Variants in ZNF532 observed in about 807,000 individuals in gnomAD.
The protein encoded by ZNF532 is zinc finger protein 532.
A neutral mutation model predicts 89.3 loss-of-function variants in ZNF532; 22 were observed. The observed-to-expected ratio is 0.25, with a 90% confidence interval of 0.18 to 0.35. The LOEUF (loss-of-function observed/expected upper bound fraction) is 0.35, where lower values mean the gene tolerates loss of function less well. Ranked by LOEUF, ZNF532 falls within the 10% of genes least tolerant of loss-of-function variation. The pLI, the probability that ZNF532 is intolerant of heterozygous loss-of-function variation, is 1.00. For missense variants in ZNF532, 1,132 were observed against 1,643.4 expected (o/e 0.69, Z 5.38); for synonymous variants, 606 against 649.6 (o/e 0.93, Z 1.02).
chr18:58,881,218 G>A (rs2057899888), intron 2 of ZNF532, among the ~76,000 whole-genome samples: 1 of 151,232 alleles, frequency 6.6e-6, no homozygotes, highest in Admixed American at 6.6e-5. Context: ...TGCAACCTCT[G>A]CCTCCTGGGT....
Position 58,923,997 on chromosome 18 carries a change from C to T in ZNF532, c.2346+3364C>T, listed in dbSNP as rs549558264. Reference sequence around the variant, plus strand: ...TCAGCCTCCAGAGCAGCTGGGATTACAGGCACACATCACCGCATCCAGCTA... The same window carrying T: ...TCAGCCTCCAGAGCAGCTGGGATTATAGGCACACATCACCGCATCCAGCTA... On this transcript the variant is annotated intron_variant, in intron 3 of 9. Transcript: ENST00000591808. Among the ~76,000 whole-genome samples the T allele has an allele frequency of 8.5e-5, 13 of 152,288 alleles. No individual in the cohort carries two copies. In the South Asian group the frequency reaches 2.1e-3, roughly 24 times the overall value.
chr18:58,941,976 CTCCT>C, intron 5 of ZNF532, among the ~76,000 whole-genome samples: 1 of 135,764 alleles, frequency 7.4e-6, no homozygotes, highest in Non-Finnish European at 1.6e-5. Flanking sequence ...CCCTCCCTCC[CTCCT>C]TCCCTCCTTC....
At chr18:58,928,939 T>A (rs1466124376) in intron 3 of ZNF532, among the ~76,000 whole-genome samples, 2 of 152,216 alleles carry the variant, frequency 1.3e-5, no homozygotes, top group African/African-American at 4.8e-5. Context: ...CTTAAAACCA[T>A]GTCTAAATTT....
intron 2 of ZNF532, among the ~76,000 whole-genome samples, chr18:58,875,222 G>T (rs368922092): frequency 6.6e-6 from 1 of 151,730 alleles, no homozygotes; most frequent in Non-Finnish European, 1.5e-5. Context: ...TGTTGCCCAG[G>T]CTGGTCTCAA....
chr18:58,880,767 C>CGTGTGT (rs575708906), intron 2 of ZNF532, among the ~76,000 whole-genome samples: 7 of 130,934 alleles, frequency 5.3e-5, no homozygotes, highest in African/African-American at 1.5e-4. Context: ...CGCGCACGCG[C>CGTGTGT]GCGCGTCTGT....
chr18:58,965,263 A>G (rs2065806607), intron 7 of ZNF532, among the ~76,000 whole-genome samples: 1 of 152,174 alleles, frequency 6.6e-6, no homozygotes, highest in African/African-American at 2.4e-5. Flanking sequence ...TGTTAAGGAT[A>G]CTGGGGCTAA....
chr18:58,914,579 C>T (rs1365580934), intron 2 of ZNF532, among the ~76,000 whole-genome samples: 2 of 152,172 alleles, frequency 1.3e-5, no homozygotes, highest in Non-Finnish European at 2.9e-5. Context: ...ACTCGGGAGG[C>T]TGAGGCAGGA....
At chr18:58,908,566 A>T (rs1388205405) in intron 2 of ZNF532, among the ~76,000 whole-genome samples, 3 of 152,270 alleles carry the variant, frequency 2.0e-5, no homozygotes, top group Non-Finnish European at 4.4e-5. Context: ...AGTGAAATAC[A>T]GTAAGGCATC....
In ZNF532 at chr18:58,939,573, A is replaced by G. The variant is rs1411275721; in HGVS notation, c.2657A>G (p.His886Arg). 6.2e-7 allele frequency: 1 copy of G among 1,614,190 alleles called. No individual in the cohort carries two copies. The highest frequency in any genetic ancestry group is 8.5e-7 in the Non-Finnish European group (1 of 1,180,040). Residue 886 changes from histidine to arginine, a missense_variant, in exon 5 of 10, where the codon CAT becomes CGT. Around this residue, in one of 9 missense-constraint regions of ZNF532, gnomAD observed 415 missense variants for 604.8 expected, o/e 0.69. Coordinates refer to ENST00000591808, the MANE Select transcript of ZNF532 (RefSeq NM_001375912.1). ...PMAFKSAPST[H>R]SHAYTQHPGI... is the part of the protein sequence containing the mutation. ...GCGTTTAAGTCTGCCCCAAGCACACATTCCCACGCCTACACACAGCATCCT... is the reference window on the plus strand; with the variant it reads ...GCGTTTAAGTCTGCCCCAAGCACACGTTCCCACGCCTACACACAGCATCCT...
intron 2 of ZNF532, among the ~76,000 whole-genome samples, chr18:58,878,617 G>A (rs1177111560): frequency 6.6e-6 from 1 of 152,234 alleles, no homozygotes; most frequent in Non-Finnish European, 1.5e-5. Flanking sequence ...AAGGGCCCCC[G>A]TGGCCCAGGT....
At chr18:58,871,683 C>T (rs2056998024) in intron 2 of ZNF532, among the ~76,000 whole-genome samples, 1 of 152,214 alleles carries the variant, frequency 6.6e-6, no homozygotes, top group Non-Finnish European at 1.5e-5. Context: ...TAGCTGATGA[C>T]TGCCAGCGTG....
intron 7 of ZNF532, among the ~76,000 whole-genome samples, chr18:58,961,220 A>AGCTGAT (rs1271411369): frequency 6.6e-5 from 10 of 152,318 alleles, no homozygotes; most frequent in South Asian, 2.1e-4. Flanking sequence ...CACAAGCCCT[A>AGCTGAT]GCTGATGCTG....
intron 7 of ZNF532, among the ~76,000 whole-genome samples, chr18:58,957,647 T>G (rs1252815754): frequency 2.6e-5 from 4 of 152,126 alleles, no homozygotes; most frequent in Non-Finnish European, 5.9e-5. Flanking sequence ...CATTTTGGTT[T>G]CATTAATTGT....
intron 3 of ZNF532, among the ~76,000 whole-genome samples, chr18:58,927,960 G>A (rs533050269): frequency 6.6e-6 from 1 of 152,300 alleles, no homozygotes; most frequent in South Asian, 2.1e-4. Flanking sequence ...AGTGAGAATT[G>A]CGTCTTTTAC....
At chr18:58,952,129 G>A (rs529764009) in intron 6 of ZNF532, among the ~76,000 whole-genome samples, 3 of 152,340 alleles carry the variant, frequency 2.0e-5, no homozygotes, top group Admixed American at 2.0e-4. Flanking sequence ...ATGTGATGGA[G>A]AGTGTCCTGA....
At chr18:58,867,398 T>C (rs2056571063) in intron 2 of ZNF532, among the ~76,000 whole-genome samples, 1 of 152,234 alleles carries the variant, frequency 6.6e-6, no homozygotes, top group Non-Finnish European at 1.5e-5. Flanking sequence ...GTTGGAGAGC[T>C]GGTTCTCTGG....
chr18:58,886,299 T>C (rs1470225112), intron 2 of ZNF532, among the ~76,000 whole-genome samples: 1 of 152,212 alleles, frequency 6.6e-6, no homozygotes, highest in Admixed American at 6.5e-5. Flanking sequence ...CAATTTTATG[T>C]ATCTAGGAAT....
intron 2 of ZNF532, among the ~76,000 whole-genome samples, chr18:58,888,706 T>G (rs2058484497): frequency 2.0e-5 from 1 of 50,544 alleles, no homozygotes; most frequent in Non-Finnish European, 3.0e-5. Context: ...ATTATATATA[T>G]ATATATATAT....
At chr18:58,875,327 T>A (rs1373133451) in intron 2 of ZNF532, among the ~76,000 whole-genome samples, 2 of 152,180 alleles carry the variant, frequency 1.3e-5, no homozygotes, top group East Asian at 3.9e-4. Context: ...TTCCTATTTT[T>A]AAAATATGAC....
Sources: gnomAD v4.1 joint callset for allele counts (sites outside exome capture counted in the v4.1 genomes callset) on GRCh38, gnomAD v4.1.1 for gene constraint, gnomAD v4.1.1 regional missense constraint, MANE v1.5 for transcripts, NCBI Gene and HGNC (gene_info 2026-07-23, HGNC 2026-07-21) for gene names.